Variants in STAG1 observed in about 807,000 individuals in gnomAD.
STAG1 encodes the protein cohesin subunit SA-1.
In STAG1, 26 loss-of-function variants were observed where a neutral mutation model predicts 170.9. The observed-to-expected ratio is 0.15, with a 90% CI of 0.11 to 0.21. STAG1 has a LOEUF of 0.21. Ranked by LOEUF, STAG1 falls within the 10% of genes least tolerant of loss-of-function variation. The pLI, the probability that STAG1 is intolerant of heterozygous loss-of-function variation, is 1.00. For missense variants in STAG1, 964 were observed against 1,509.5 expected (o/e 0.64, Z 5.99); for synonymous variants, 514 against 497.7 (o/e 1.03, Z -0.44).
chr3:136,428,079 T>C (rs2088186062), intron 16 of STAG1, among the ~76,000 whole-genome samples: 1 of 147,160 alleles, frequency 6.8e-6, no homozygotes, highest in Non-Finnish European at 1.5e-5. Flanking sequence ...TGCCCTATTC[T>C]GGAAAAAAAA....
chr3:136,653,854 A>G (rs1576719675), intron 1 of STAG1, among the ~76,000 whole-genome samples: 1 of 152,232 alleles, frequency 6.6e-6, no homozygotes, highest in African/African-American at 2.4e-5. Flanking sequence ...AAACTAATCA[A>G]TGTAATATAC....
At chr3:136,584,733 G>A (rs1006013728) in intron 4 of STAG1, among the ~76,000 whole-genome samples, 1 of 152,216 alleles carries the variant, frequency 6.6e-6, no homozygotes, top group African/African-American at 2.4e-5. Flanking sequence ...GACAGGTGAA[G>A]GATGAAGTTT....
chr3:136,624,725 A>G (rs112868370), intron 2 of STAG1, among the ~76,000 whole-genome samples: 177 of 152,358 alleles, frequency 1.2e-3, no homozygotes, highest in African/African-American at 2.5e-3. Context: ...TAAATTAAGC[A>G]TTGATTTTTA....
At chr3:136,368,237 G>A (rs920715776) in intron 24 of STAG1, among the ~76,000 whole-genome samples, 1 of 152,100 alleles carries the variant, frequency 6.6e-6, no homozygotes, top group Non-Finnish European at 1.5e-5. Context: ...TAGACTTGTG[G>A]ATCAAATATA....
chr3:136,428,394 T>A (rs1164587615), intron 16 of STAG1, among the ~76,000 whole-genome samples: 1 of 152,164 alleles, frequency 6.6e-6, no homozygotes. Flanking sequence ...CAGTAAGGGA[T>A]TGCCTTTTAA....
rs569582009 is a variant in STAG1 at position 136,602,395 on chromosome 3, A to G, written c.297+1914T>C. On this transcript the variant is annotated intron_variant, in intron 4 of 33. Coordinates refer to ENST00000383202, the MANE Select transcript of STAG1 (RefSeq NM_005862.3). ...TCCATCTCAAACAAAAAAAAAAAAA[A>G]AGAGAGAGAGAGAAGAAAAATATCT... 2.2e-3 allele frequency among the ~76,000 whole-genome samples: 329 copies of G among 151,450 alleles called. 1 individual carries two copies. Among genetic ancestry groups the G allele is most frequent in the African/African-American group, 7.1e-3 (295 of 41,318 alleles).
Position 136,711,005 on chromosome 3 carries a change from A to T in STAG1, c.-84+41190T>A, listed in dbSNP as rs75702419. 2.0e-4 allele frequency among the ~76,000 whole-genome samples: 31 copies of T among 151,994 alleles called. No individual in the cohort carries two copies. The East Asian group carries it at 5.8e-3, about 28-fold the overall frequency. On this transcript the variant is annotated intron_variant, in intron 1 of 33. Coordinates refer to ENST00000383202, the MANE Select transcript of STAG1 (RefSeq NM_005862.3). ...ATAATTTTTCACAAAAACCTTTGCT[A>T]TAAAACTCCTGGTTAAAGTATGACA... is the stretch of plus-strand genomic sequence containing the variant.
At chr3:136,430,802 GACAGAC>G (rs1173809170) in intron 16 of STAG1, among the ~76,000 whole-genome samples, 38 of 88,950 alleles carry the variant, frequency 4.3e-4, no homozygotes, top group African/African-American at 1.3e-3. Flanking sequence ...AACAGACATA[GACAGAC>G]ACACACACAC....
chr3:136,647,786 G>A (rs1444784365), intron 1 of STAG1, among the ~76,000 whole-genome samples: 1 of 152,030 alleles, frequency 6.6e-6, no homozygotes, highest in African/African-American at 2.4e-5. Context: ...TTCCTTTGAA[G>A]AAAGGCAGTT....
intron 6 of STAG1, among the ~76,000 whole-genome samples, chr3:136,529,893 T>C (rs1260986983): frequency 6.6e-6 from 1 of 152,116 alleles, no homozygotes; most frequent in Non-Finnish European, 1.5e-5. Flanking sequence ...CATAGTAATA[T>C]TAACTTTGAA....
intron 14 of STAG1, among the ~76,000 whole-genome samples, chr3:136,448,531 A>T (rs2088849512): frequency 6.6e-6 from 1 of 152,214 alleles, no homozygotes; most frequent in Non-Finnish European, 1.5e-5. Context: ...AACTGCCCTT[A>T]TGATACAGTT....
intron 16 of STAG1, among the ~76,000 whole-genome samples, chr3:136,423,513 TA>T: frequency 6.6e-6 from 1 of 152,342 alleles, no homozygotes; most frequent in Admixed American, 6.5e-5. Flanking sequence ...TCCTTGTAAC[TA>T]AACTCACAAA....
At chr3:136,417,860 A>G in intron 21 of STAG1, 25 bp downstream of exon 21, 1 of 1,576,852 alleles carries the variant, frequency 6.3e-7, no homozygotes, top group Non-Finnish European at 8.7e-7. Flanking sequence ...AGAGTCATAC[A>G]GAAGGAATAC....
At chr3:136,430,284 T>C (rs1168976718) in intron 16 of STAG1, 4 of 152,166 alleles carry the variant, frequency 2.6e-5, no homozygotes, top group African/African-American at 2.4e-5. Flanking sequence ...CATATGTCTC[T>C]AGCAGATGAG....
At chr3:136,339,852 C>A (rs1254593120) in intron 32 of STAG1, among the ~76,000 whole-genome samples, 3 of 152,140 alleles carry the variant, frequency 2.0e-5, no homozygotes, top group East Asian at 1.9e-4. Flanking sequence ...TCTTCTCATA[C>A]TGAACAAAGA....
At chr3:136,578,445 T>C (rs1224506302) in intron 4 of STAG1, among the ~76,000 whole-genome samples, 1 of 152,236 alleles carries the variant, frequency 6.6e-6, no homozygotes, top group Non-Finnish European at 1.5e-5. Flanking sequence ...GGCAGAAATC[T>C]AACTTGTGGA....
At chr3:136,741,070 T>C (rs1576837114) in intron 1 of STAG1, among the ~76,000 whole-genome samples, 1 of 152,214 alleles carries the variant, frequency 6.6e-6, no homozygotes, top group East Asian at 1.9e-4. Flanking sequence ...TTTGTTCCAA[T>C]CTTTTCAGGA....
At chr3:136,508,887 CGAGAGAGAGA>C (rs111390217) in intron 7 of STAG1, among the ~76,000 whole-genome samples, 3 of 149,376 alleles carry the variant, frequency 2.0e-5, no homozygotes, top group Non-Finnish European at 3.0e-5. Context: ...CGCGCGTGCG[CGAGAGAGAGA>C]GAGAGAGAGA....
At chr3:136,748,719 T>A (rs35100027) in intron 1 of STAG1, among the ~76,000 whole-genome samples, 26,548 of 152,172 alleles carry the variant, frequency 0.17, 2,623 homozygotes, top group Non-Finnish European at 0.22. Flanking sequence ...GTAATTTTTT[T>A]AAATTTTTTA....
Sources: gnomAD v4.1 joint callset for allele counts (sites outside exome capture counted in the v4.1 genomes callset) on GRCh38, gnomAD v4.1.1 for gene constraint, MANE v1.5 for transcripts, NCBI Gene and HGNC (gene_info 2026-07-23, HGNC 2026-07-21) for gene names.